The following MARCHF5 variants were observed in gnomAD, a reference collection of about 807,000 sequenced individuals.
The protein encoded by MARCHF5 is membrane associated ring-CH-type finger 5.
A neutral mutation model predicts 36.5 loss-of-function variants in MARCHF5; 5 were observed. The observed-to-expected ratio is 0.14, with a 90% confidence interval of 0.07 to 0.29. MARCHF5 has a LOEUF of 0.29. Ranked by LOEUF, MARCHF5 falls within the 10% of genes least tolerant of loss-of-function variation. The pLI, the probability that MARCHF5 is intolerant of heterozygous loss-of-function variation, is 1.00. For synonymous variants in MARCHF5, 103 were observed against 109.9 expected, an observed-to-expected ratio of 0.94 and a Z score of 0.39; for missense variants, 179 against 336.3, an observed-to-expected ratio of 0.53 and a Z score of 3.66.
At position 92,351,236 on chromosome 10, in the gene MARCHF5, C is replaced by T. The variant is rs201806720; in HGVS notation, c.*29C>T. The T allele has an allele frequency of 3.0e-6, 4 of 1,338,440 alleles. No homozygotes were observed. In the African/African-American group the frequency reaches 5.8e-5, roughly 19 times the overall value. The allele number at this position is 1,338,440 out of a possible 1,614,324, so 82.9% of individuals were successfully genotyped here. A position where few individuals can be genotyped will look rare whatever the true frequency, so the allele number is the denominator to read the frequency against. ...TGACTTCTGGTTGTTCTGCAGTTCTCTCATCCTTATGAATCTGTTGTGTTG... is the reference window on the plus strand; with the variant it reads ...TGACTTCTGGTTGTTCTGCAGTTCTTTCATCCTTATGAATCTGTTGTGTTG... On this transcript the variant is annotated 3_prime_UTR_variant, in exon 6 of 6. Transcript: ENST00000358935.
At chr10:92,340,954 A>C (rs1016405947) in intron 3 of MARCHF5, 151 bp downstream of exon 3, 46 of 636,182 alleles carry the variant, frequency 7.2e-5, no homozygotes, top group Non-Finnish European at 1.0e-4. Flanking sequence ...TTCTTTACCC[A>C]AAAAGGAGCA....
At position 92,349,439 on chromosome 10, in the gene MARCHF5, A is replaced by T; in HGVS notation, c.460A>T (p.Ile154Leu). 6.2e-7 allele frequency: 1 copy of T among 1,614,120 alleles called. No individual in the cohort carries two copies. The highest frequency in any genetic ancestry group is 8.5e-7 in the Non-Finnish European group (1 of 1,180,018). The stretch of plus-strand genomic sequence containing the variant: ...ACTTCCTACTATTCCTGTCATGCTG[A>T]TATTAGGCAAGATGATTCGCTGGGA... ...IGLPTIPVML[I>L]LGKMIRWEDY... is the part of the protein sequence containing the mutation. The change falls in exon 4 of 6, where the codon ATA becomes TTA. Residue 154 changes from isoleucine (I) to leucine (L), a missense_variant. By Grantham distance (5) the Ile-to-Leu change is conservative (BLOSUM62 2). Coordinates refer to ENST00000358935, the MANE Select transcript of MARCHF5 (RefSeq NM_017824.5).
Position 92,291,398 on chromosome 10 carries a change from A to T in MARCHF5, c.-97A>T. 8.9e-7 allele frequency: 1 copy of T among 1,123,546 alleles called. No individual in the cohort carries two copies. Among genetic ancestry groups the T allele is most frequent in the Non-Finnish European group, 1.3e-6 (1 of 764,466 alleles). The allele number at this position is 1,123,546 out of a possible 1,614,324, so 69.6% of individuals were successfully genotyped here. ...GTGACGGGTTCGCGGCTGCCGCCGG[A>T]CTGCGGCCTACTCCGCCGCCTCTCA... On this transcript the variant is annotated 5_prime_UTR_variant, in exon 1 of 6. Transcript: ENST00000358935.
chr10:92,311,811 G>T (rs966396545), intron 2 of MARCHF5, among the ~76,000 whole-genome samples: 4 of 152,146 alleles, frequency 2.6e-5, no homozygotes, highest in Non-Finnish European at 4.4e-5. Context: ...AATTTATGTG[G>T]TTTCTTTCAT....
chr10:92,338,170 C>A (rs1843527950), intron 2 of MARCHF5, among the ~76,000 whole-genome samples: 1 of 151,856 alleles, frequency 6.6e-6, no homozygotes, highest in South Asian at 2.1e-4. Context: ...GTGTGGGTGA[C>A]AGAGCAAGAC....
Position 92,296,625 on chromosome 10 carries a change from C to A in MARCHF5, c.35+5096C>A, listed in dbSNP as rs548259811. Among the ~76,000 whole-genome samples the A allele has an allele frequency of 2.0e-5, 3 of 152,152 alleles. No individual in the cohort carries two copies. The East Asian group carries it at 5.8e-4, about 29-fold the overall frequency. ...TTTTGGAAACTACTTCTGCTTCCCC[C>A]GTCTTAAAATAAACACGCATTAATT... On this transcript the variant is annotated intron_variant, in intron 1 of 5. Transcript: ENST00000358935.
At chr10:92,298,103 C>T (rs1188181792) in intron 1 of MARCHF5, among the ~76,000 whole-genome samples, 1 of 152,190 alleles carries the variant, frequency 6.6e-6, no homozygotes, top group Non-Finnish European at 1.5e-5. Flanking sequence ...GAGGCTGAGG[C>T]ACAAGAATCG....
At chr10:92,328,821 A>ATATATATATATATATATATATATT (rs372130854) in intron 2 of MARCHF5, among the ~76,000 whole-genome samples, 9 of 122,414 alleles carry the variant, frequency 7.4e-5, no homozygotes, top group African/African-American at 2.8e-4. Context: ...ATATATATAT[A>ATATATATATATATATATATATATT]TTTTTTTTTT....
intron 2 of MARCHF5, among the ~76,000 whole-genome samples, chr10:92,329,655 A>C (rs1843414293): frequency 1.3e-5 from 2 of 152,120 alleles, no homozygotes; most frequent in African/African-American, 4.8e-5. Flanking sequence ...GAACTCAAGT[A>C]CTCTCTTCAT....
intron 2 of MARCHF5, among the ~76,000 whole-genome samples, chr10:92,340,429 G>A (rs1843565579): frequency 6.6e-6 from 1 of 152,190 alleles, no homozygotes; most frequent in Admixed American, 6.5e-5. Flanking sequence ...ATTTTAGGCT[G>A]AGTGTAGTAG....
intron 2 of MARCHF5, among the ~76,000 whole-genome samples, chr10:92,334,080 C>T (rs1256207990): frequency 2.0e-5 from 3 of 152,140 alleles, no homozygotes; most frequent in African/African-American, 2.4e-5. Context: ...ATCTTAGCTA[C>T]TTGGGAGGCT....
At chr10:92,347,580 A>G (rs1314624773) in intron 3 of MARCHF5, among the ~76,000 whole-genome samples, 1 of 152,080 alleles carries the variant, frequency 6.6e-6, no homozygotes, top group East Asian at 1.9e-4. Context: ...CTGGGAAATC[A>G]TTATAGGTAA....
At chr10:92,314,149 C>G (rs1843179080) in intron 2 of MARCHF5, among the ~76,000 whole-genome samples, 2 of 152,102 alleles carry the variant, frequency 1.3e-5, no homozygotes, top group Non-Finnish European at 2.9e-5. Context: ...GAGTTTGGGG[C>G]TGCATTGAGC....
intron 1 of MARCHF5, among the ~76,000 whole-genome samples, chr10:92,302,088 T>C (rs1843021701): frequency 6.6e-6 from 1 of 152,116 alleles, no homozygotes; most frequent in Non-Finnish European, 1.5e-5. Context: ...GCAGTGTAAA[T>C]GCTATGCAAA....
In MARCHF5 at chr10:92,297,014, A is replaced by G. The variant is rs1369661182; in HGVS notation, c.35+5485A>G. ...ATTTATTTCCAGATATATGTAAAAAATGGAAACATCATAGATAAAATTAAA... is the reference window on the plus strand; with the variant it reads ...ATTTATTTCCAGATATATGTAAAAAGTGGAAACATCATAGATAAAATTAAA... On this transcript the variant is annotated intron_variant, in intron 1 of 5. Transcript: ENST00000358935. Among the ~76,000 whole-genome samples, 4 of 152,210 alleles carry G rather than the reference A, an allele frequency of 2.6e-5. No individual in the cohort carries two copies. The East Asian group carries it at 7.7e-4, about 29-fold the overall frequency.
chr10:92,310,252 A>G (rs996270062), intron 1 of MARCHF5, among the ~76,000 whole-genome samples: 28 of 152,196 alleles, frequency 1.8e-4, no homozygotes, highest in Non-Finnish European at 3.7e-4. Context: ...AGTTGTTTCC[A>G]CTTGTACAAG....
intron 2 of MARCHF5, among the ~76,000 whole-genome samples, chr10:92,336,782 C>T (rs1383222223): frequency 6.6e-6 from 1 of 151,894 alleles, no homozygotes; most frequent in Non-Finnish European, 1.5e-5. Flanking sequence ...AGAGAAAGAA[C>T]CAGCAAAGGA....
chr10:92,299,004 G>T lies in MARCHF5; in HGVS notation c.35+7475G>T, dbSNP rs59443765. Among the ~76,000 whole-genome samples, 801 of 151,204 alleles carry T rather than the reference G, an allele frequency of 5.3e-3. 8 individuals carry two copies. The highest frequency in any genetic ancestry group is 0.018 in the African/African-American group (761 of 41,170). On this transcript the variant is annotated intron_variant, in intron 1 of 5. Coordinates refer to ENST00000358935, the MANE Select transcript of MARCHF5 (RefSeq NM_017824.5). ...AAACTTTTTTTTTTTTGGTGGGGAG[G>T]GGGATAGAGACGGGTCTCACTATGT...
intron 2 of MARCHF5, among the ~76,000 whole-genome samples, chr10:92,333,987 C>A (rs1843470922): frequency 1.3e-5 from 2 of 152,028 alleles, no homozygotes; most frequent in African/African-American, 4.8e-5. Flanking sequence ...ACCAGAAGTT[C>A]TAGACCAGCC....
Sources: allele counts gnomAD v4.1 joint callset (sites outside exome capture counted in the v4.1 genomes callset), GRCh38; gene constraint gnomAD v4.1.1; transcripts MANE v1.5; gene names NCBI Gene and HGNC (gene_info 2026-07-23, HGNC 2026-07-21).